UHMK1: variants seen among roughly 807,000 people sequenced by gnomAD.
UHMK1 encodes serine/threonine-protein kinase Kist.
In UHMK1, 18 loss-of-function variants were observed where a neutral mutation model predicts 44.0. That is an observed-to-expected ratio of 0.41 (90% CI 0.28 to 0.61). UHMK1 has a LOEUF of 0.61. UHMK1 is among the 20% of genes least tolerant of loss of function. The pLI, the probability that UHMK1 is intolerant of heterozygous loss-of-function variation, is 0.31. For missense variants in UHMK1, 463 were observed against 522.5 expected (o/e 0.89, Z 1.11); for synonymous variants, 231 against 198.5 (o/e 1.16, Z -1.38).
Position 162,497,827 on chromosome 1 carries a change from G to A in UHMK1, c.-174G>A, listed in dbSNP as rs1571000378. On this transcript the variant is annotated 5_prime_UTR_variant, in exon 1 of 8. In the 5' UTR this introduces an upstream ATG that the reference lacks. Transcript: ENST00000489294. ...TCCATTTCCGGCTTCTGGGACTCGG[G>A]TGCACCACGGCTTCCGGTGTCATGG... is the stretch of plus-strand genomic sequence containing the variant. 6 of 1,352,666 alleles carry A rather than the reference G, an allele frequency of 4.4e-6. No homozygotes were observed. In the East Asian group the frequency reaches 9.0e-5, roughly 20 times the overall value. 83.8% of individuals were successfully genotyped at this position (1,352,666 alleles called of 1,614,324 possible). A position where few individuals can be genotyped will look rare whatever the true frequency, so the allele number is the denominator to read the frequency against.
At position 162,507,506 on chromosome 1, in the gene UHMK1, C is replaced by CA. The variant is rs201509837; in HGVS notation, c.848+3660dup. 7.8e-3 allele frequency among the ~76,000 whole-genome samples: 1,187 copies of CA among 151,932 alleles called. 29 individuals carry two copies. Among genetic ancestry groups the CA allele is most frequent in the African/African-American group, 0.028 (1,139 of 41,418 alleles). On this transcript the variant is annotated intron_variant, in intron 4 of 7. Transcript: ENST00000489294. ...CCATGTGCCAGGCTGGTCTTGAACT[C>CA]AAGTGACCTTCCAGCCTCAGTTTCC...
chr1:162,509,882 T>C (rs989703439), intron 4 of UHMK1, among the ~76,000 whole-genome samples: 8 of 151,998 alleles, frequency 5.3e-5, no homozygotes, highest in Admixed American at 1.3e-4. Context: ...TGACCTGAAG[T>C]GGTCCACCCA....
chr1:162,498,005 C>G lies in UHMK1; in HGVS notation c.5C>G (p.Ala2Gly), dbSNP rs1651114993. 3.2e-6 allele frequency: 5 copies of G among 1,580,142 alleles called. No homozygotes were observed. Among genetic ancestry groups the G allele is most frequent in the Non-Finnish European group, 4.3e-6 (5 of 1,161,436 alleles). ...CCGTGCCCTTAACCCACACCGATGG[C>G]GGGATCCGGCTGCGCCTGGGGCGCG... M[A>G]GSGCAWGAEP... Residue 2 changes from alanine (A) to glycine (G), a missense_variant, in exon 1 of 8, where the codon GCG becomes GGG. Physicochemically the swap from Ala to Gly is moderately conservative, Grantham distance 60. Transcript: ENST00000489294.
chr1:162,498,594 G>T (rs1269911518), intron 1 of UHMK1, among the ~76,000 whole-genome samples: 2 of 152,218 alleles, frequency 1.3e-5, no homozygotes, highest in East Asian at 3.9e-4. Flanking sequence ...GTCGTGTCTT[G>T]TGTGGAAATT....
intron 4 of UHMK1, among the ~76,000 whole-genome samples, chr1:162,506,348 A>G (rs1166623564): frequency 6.6e-6 from 1 of 151,168 alleles, no homozygotes; most frequent in East Asian, 2.0e-4. Context: ...TCCTTCCACT[A>G]TTTTTCTGCA....
chr1:162,518,881 G>A (rs1443330482), intron 7 of UHMK1, among the ~76,000 whole-genome samples: 2 of 151,212 alleles, frequency 1.3e-5, no homozygotes, highest in Admixed American at 1.3e-4. Context: ...CCAGCTACTT[G>A]GAGGGGCTGA....
chr1:162,522,745 C>A lies in UHMK1; in HGVS notation c.*195C>A. 1 of 559,358 alleles carries A rather than the reference C, an allele frequency of 1.8e-6. No homozygotes were observed. 34.6% of individuals were successfully genotyped at this position (559,358 alleles called of 1,614,324 possible). On this transcript the variant is annotated 3_prime_UTR_variant, in exon 8 of 8. Transcript: ENST00000489294. Reference sequence around the variant, plus strand: ...CACTGAGTAGGACAAGACCTCTCAGCTATACATTGAGGGGTTTTAGAGCAT... The same window carrying A: ...CACTGAGTAGGACAAGACCTCTCAGATATACATTGAGGGGTTTTAGAGCAT...
upstream of UHMK1, chr1:162,497,773 C>CCGCCG: frequency 2.3e-6 from 3 of 1,312,012 alleles, no homozygotes; most frequent in Non-Finnish European, 2.9e-6. Flanking sequence ...TGAGCCCCCC[C>CCGCCG]TCCTTCGGCC....
At chr1:162,506,121 G>T (rs1444012987) in intron 4 of UHMK1, among the ~76,000 whole-genome samples, 1 of 151,980 alleles carries the variant, frequency 6.6e-6, no homozygotes, top group African/African-American at 2.4e-5. Flanking sequence ...TTACATTGAA[G>T]AGATGGGAAT....
At chr1:162,514,649 A>G (rs1240062086) in intron 6 of UHMK1, among the ~76,000 whole-genome samples, 2 of 152,222 alleles carry the variant, frequency 1.3e-5, no homozygotes, top group Non-Finnish European at 2.9e-5. Flanking sequence ...GAGCCAATCT[A>G]TCTAAATGCA....
chr1:162,514,092 T>C (rs1353462953), intron 6 of UHMK1, among the ~76,000 whole-genome samples: 1 of 152,142 alleles, frequency 6.6e-6, no homozygotes, highest in Admixed American at 6.5e-5. Context: ...TTACTAGTAC[T>C]AGAGAGACAA....
intron 2 of UHMK1, 131 bp from the exon 3 acceptor site, chr1:162,500,782 A>G: frequency 2.5e-6 from 2 of 816,004 alleles, no homozygotes; most frequent in Non-Finnish European, 3.7e-6. Context: ...ATGGTAATCA[A>G]GGACTAAAAA....
intron 4 of UHMK1, among the ~76,000 whole-genome samples, chr1:162,505,206 G>T (rs1268804756): frequency 6.6e-6 from 1 of 152,016 alleles, no homozygotes; most frequent in African/African-American, 2.4e-5. Flanking sequence ...CCTTAGCCTA[G>T]ACCTACACAG....
At chr1:162,516,962 A>AATTTTGACCC (rs1382440817) in intron 6 of UHMK1, among the ~76,000 whole-genome samples, 2 of 152,232 alleles carry the variant, frequency 1.3e-5, no homozygotes, top group African/African-American at 4.8e-5. Context: ...AATTTATGTC[A>AATTTTGACCC]ATTTTGACCC....
intron 4 of UHMK1, among the ~76,000 whole-genome samples, chr1:162,511,150 T>C (rs1305782091): frequency 5.9e-5 from 9 of 151,732 alleles, no homozygotes. Flanking sequence ...GTTTCCTTGC[T>C]ATAAAGTTAT....
In UHMK1 at chr1:162,524,622, T is replaced by A. The variant is rs1173181272; in HGVS notation, c.*2072T>A. The stretch of plus-strand genomic sequence containing the variant: ...GGCAAGTATCCTAAGTTAGCACATT[T>A]ACTTTTCTCTCCCCTCCGCCCCCAA... On this transcript the variant is annotated 3_prime_UTR_variant, in exon 8 of 8. Coordinates refer to ENST00000489294, the MANE Select transcript of UHMK1 (RefSeq NM_175866.5). 1 of 152,212 alleles carries A rather than the reference T, an allele frequency of 6.6e-6. No homozygotes were observed. The highest frequency in any genetic ancestry group is 1.9e-4 in the East Asian group (1 of 5,196). 9.4% of individuals were successfully genotyped at this position (152,212 alleles called of 1,614,324 possible).
rs1254687209 is a variant in UHMK1, at chr1:162,528,403, A to G, written c.*5853A>G. 2 of 152,174 alleles carry G rather than the reference A, an allele frequency of 1.3e-5. 1 individual carries two copies. Among genetic ancestry groups the G allele is most frequent in the East Asian group, 3.9e-4 (2 of 5,190 alleles). 9.4% of individuals were successfully genotyped at this position (152,174 alleles called of 1,614,324 possible). A position where few individuals can be genotyped will look rare whatever the true frequency, so the allele number is the denominator to read the frequency against. The stretch of plus-strand genomic sequence containing the variant: ...TTGCCTTTCCTACACATTCCTCATC[A>G]TTGTTTCCTCAGAAAATTATTTTAA... On this transcript the variant is annotated 3_prime_UTR_variant, in exon 8 of 8. Transcript: ENST00000489294.
At chr1:162,507,866 A>G (rs1411895415) in intron 4 of UHMK1, among the ~76,000 whole-genome samples, 1 of 151,678 alleles carries the variant, frequency 6.6e-6, no homozygotes, top group East Asian at 1.9e-4. Context: ...GATTACAGGC[A>G]TGAGCCACCG....
At chr1:162,497,308 G>C (rs1651082503), upstream of UHMK1, 1 of 702,504 alleles carries the variant, frequency 1.4e-6, no homozygotes, top group Non-Finnish European at 2.6e-6. Context: ...TATGAGGCTA[G>C]TCGGACCCCC....
Sources: allele counts gnomAD v4.1 joint callset (sites outside exome capture counted in the v4.1 genomes callset), GRCh38; gene constraint gnomAD v4.1.1; transcripts MANE v1.5; gene names NCBI Gene and HGNC (gene_info 2026-07-23, HGNC 2026-07-21).